Variants in LRP2BP observed in about 807,000 individuals in gnomAD.
LRP2BP encodes LRP2 binding protein.
In LRP2BP, 38 loss-of-function variants were observed where a neutral mutation model predicts 45.2. That is an observed-to-expected ratio of 0.84 (90% CI 0.65 to 1.10). LRP2BP has a LOEUF of 1.10. Among genes scored for constraint, LRP2BP ranks in the 50% least tolerant of loss-of-function variants. The pLI is 0.00. For missense variants in LRP2BP, 385 were observed against 418.9 expected (o/e 0.92, Z 0.71); for synonymous variants, 153 against 153.9 (o/e 0.99, Z 0.04).
rs1489115764 is a variant in LRP2BP, at chr4:185,364,936, C to T, written c.*2244G>A. The T allele has an allele frequency of 6.6e-6, 1 of 152,050 alleles. No homozygotes were observed. The highest frequency in any genetic ancestry group is 1.5e-5 in the Non-Finnish European group (1 of 68,034). The allele number at this position is 152,050 out of a possible 1,614,324, so 9.4% of individuals were successfully genotyped here. A position where few individuals can be genotyped will look rare whatever the true frequency, so the allele number is the denominator to read the frequency against. The stretch of plus-strand genomic sequence containing the variant: ...GAGAAAGATCACTATTATTTTGTCT[C>T]TATATTTATTTATGATAAAATGTCA... On this transcript the variant is annotated 3_prime_UTR_variant, in exon 9 of 9. Coordinates refer to ENST00000505916, the MANE Select transcript of LRP2BP (RefSeq NM_001377440.1).
chr4:185,378,205 A>G lies in LRP2BP; in HGVS notation c.-19T>C, dbSNP rs1420165821. The G allele has an allele frequency of 6.2e-7, 1 of 1,611,420 alleles. No individual in the cohort carries two copies. Among genetic ancestry groups the G allele is most frequent in the Admixed American group, 1.7e-5 (1 of 59,270 alleles). ...ACTTCATCCTTTTTCTGCAATGTGTATTCTATAAGCAAGAAGAAAAAATAA... is the reference window on the plus strand; with the variant it reads ...ACTTCATCCTTTTTCTGCAATGTGTGTTCTATAAGCAAGAAGAAAAAATAA... On this transcript the variant is annotated splice_region_variant and 5_prime_UTR_variant, in exon 2 of 9. Transcript: ENST00000505916.
chr4:185,389,413 T>C lies in LRP2BP; in HGVS notation c.-22+5366A>G, dbSNP rs1580012895. 2.0e-5 allele frequency among the ~76,000 whole-genome samples: 3 copies of C among 151,894 alleles called. No homozygotes were observed. The South Asian group carries it at 6.2e-4, about 32-fold the overall frequency. On this transcript the variant is annotated intron_variant, in intron 1 of 8. Transcript: ENST00000505916. ...TTTTAATAGAGACGGGGTTTCACTA[T>C]GTTGGCCAGACTCGTCTTGAACTCC... is the stretch of plus-strand genomic sequence containing the variant.
At chr4:185,394,052 C>T (rs997087083) in intron 1 of LRP2BP, among the ~76,000 whole-genome samples, 2 of 152,014 alleles carry the variant, frequency 1.3e-5, no homozygotes, top group African/African-American at 4.8e-5. Context: ...GGAGGTCAGG[C>T]GTTTGAGACC....
upstream of LRP2BP, chr4:185,396,769 TG>T: frequency 1.3e-6 from 1 of 775,612 alleles, no homozygotes; most frequent in East Asian, 2.4e-5. Context: ...TAACCGGAGC[TG>T]GGGCGCGGCT....
rs2095499716 is a variant in LRP2BP at position 185,395,552 on chromosome 4, A to G, written c.-795T>C. 1.0e-6 allele frequency: 1 copy of G among 982,458 alleles called. No homozygotes were observed. The allele number at this position is 982,458 out of a possible 1,614,324, so 60.9% of individuals were successfully genotyped here. On this transcript the variant is annotated 5_prime_UTR_variant, in exon 1 of 9. Transcript: ENST00000505916. ...TAAACATCATTAAAAGATATTGTGAATAGTTTAAATATTAAAAATGTGGAA... is the reference window on the plus strand; with the variant it reads ...TAAACATCATTAAAAGATATTGTGAGTAGTTTAAATATTAAAAATGTGGAA...
rs1385228738 is a variant in LRP2BP at position 185,365,789 on chromosome 4, A to G, written c.*1391T>C. The G allele has an allele frequency of 1.3e-5, 2 of 152,092 alleles. No individual in the cohort carries two copies. The highest frequency in any genetic ancestry group is 2.9e-5 in the Non-Finnish European group (2 of 68,012). 9.4% of individuals were successfully genotyped at this position (152,092 alleles called of 1,614,324 possible). A position where few individuals can be genotyped will look rare whatever the true frequency, so the allele number is the denominator to read the frequency against. On this transcript the variant is annotated 3_prime_UTR_variant, in exon 9 of 9. Transcript: ENST00000505916. ...TTTGGATCTTCAAGTGGTTGAAGGA[A>G]TGTTACATGGGTGGTATTAAGAGAT...
At chr4:185,396,330 G>A (rs1477819207), upstream of LRP2BP, 1 of 152,474 alleles carries the variant, frequency 6.6e-6, no homozygotes, top group Non-Finnish European at 1.5e-5. Flanking sequence ...GGCTTCTGAA[G>A]GCGGCGTCGA....
At chr4:185,381,517 T>A (rs1400486602) in intron 1 of LRP2BP, among the ~76,000 whole-genome samples, 4 of 152,354 alleles carry the variant, frequency 2.6e-5, no homozygotes, top group Admixed American at 2.6e-4. Flanking sequence ...AATCCCTTTT[T>A]AAATTAATTG....
chr4:185,375,146 C>T (rs1426409120), intron 4 of LRP2BP, among the ~76,000 whole-genome samples: 2 of 150,584 alleles, frequency 1.3e-5, no homozygotes, highest in Non-Finnish European at 1.5e-5. Context: ...CAGAGTCTTG[C>T]TCTGTCACCC....
Position 185,395,830 on chromosome 4 carries a change from G to C in LRP2BP, c.-1073C>G. 2 of 985,420 alleles carry C rather than the reference G, an allele frequency of 2.0e-6. No individual in the cohort carries two copies. The highest frequency in any genetic ancestry group is 3.5e-5 in the African/African-American group (2 of 57,360). The allele number at this position is 985,420 out of a possible 1,614,324, so 61.0% of individuals were successfully genotyped here. A position where few individuals can be genotyped will look rare whatever the true frequency, so the allele number is the denominator to read the frequency against. On this transcript the variant is annotated 5_prime_UTR_variant, in exon 1 of 9. Coordinates refer to ENST00000505916, the MANE Select transcript of LRP2BP (RefSeq NM_001377440.1). ...CTCCGAGCTTTCAAAGGCATCAACA[G>C]AAGGGAATCACTAAAAATGTAGGGG...
chr4:185,396,373 T>C, upstream of LRP2BP: 1 of 152,800 alleles, frequency 6.5e-6, no homozygotes, highest in Non-Finnish European at 1.5e-5. Context: ...AGTTTCCTGG[T>C]TACGTGCGCG....
Position 185,395,488 on chromosome 4 carries a change from T to C in LRP2BP, c.-731A>G. ...CTGGCAATATCAACGTGTGCTCACC[T>C]CACAAATCTGACAACAGTATCTCTA... On this transcript the variant is annotated 5_prime_UTR_variant, in exon 1 of 9. Transcript: ENST00000505916. 1 of 985,276 alleles carries C rather than the reference T, an allele frequency of 1.0e-6. No individual in the cohort carries two copies. The highest frequency in any genetic ancestry group is 1.2e-6 in the Non-Finnish European group (1 of 829,790). 61.0% of individuals were successfully genotyped at this position (985,276 alleles called of 1,614,324 possible).
At chr4:185,397,043 C>T, upstream of LRP2BP, 1 of 1,608,956 alleles carries the variant, frequency 6.2e-7, no homozygotes, top group Non-Finnish European at 8.5e-7. Context: ...GACCACTGGG[C>T]GCTGCCTGGT....
intron 8 of LRP2BP, among the ~76,000 whole-genome samples, chr4:185,369,590 T>C (rs530617426): frequency 3.9e-4 from 59 of 152,316 alleles, no homozygotes; most frequent in African/African-American, 1.4e-3. Context: ...CTGTTATTCA[T>C]GCTAAGAATG....
At chr4:185,384,892 C>T (rs2095466036) in intron 1 of LRP2BP, among the ~76,000 whole-genome samples, 1 of 147,032 alleles carries the variant, frequency 6.8e-6, no homozygotes, top group Non-Finnish European at 1.5e-5. Flanking sequence ...CTGCATCCCC[C>T]TCCCCGCCCC....
Position 185,395,371 on chromosome 4 carries a change from G to A in LRP2BP, c.-614C>T. 1.0e-6 allele frequency: 1 copy of A among 985,358 alleles called. No homozygotes were observed. The highest frequency in any genetic ancestry group is 1.2e-6 in the Non-Finnish European group (1 of 829,914). 61.0% of individuals were successfully genotyped at this position (985,358 alleles called of 1,614,324 possible). ...CGTGTCTGATACCCTTTATTAGTTA[G>A]GAATTCCTGAAAATGAACTTCTGTG... On this transcript the variant is annotated 5_prime_UTR_variant, in exon 1 of 9. Coordinates refer to ENST00000505916, the MANE Select transcript of LRP2BP (RefSeq NM_001377440.1).
At position 185,392,897 on chromosome 4, in the gene LRP2BP, A is replaced by G. The variant is rs529574855; in HGVS notation, c.-22+1882T>C. Among the ~76,000 whole-genome samples, 8 of 152,328 alleles carry G rather than the reference A, an allele frequency of 5.3e-5. No individual in the cohort carries two copies. In the South Asian group the frequency reaches 1.7e-3, roughly 32 times the overall value. ...GTTATGATATTCTCAAGGGATTTAA[A>G]AAATACATGTGAAACCAGGCCAGCT... On this transcript the variant is annotated intron_variant, in intron 1 of 8. Transcript: ENST00000505916.
chr4:185,397,252 G>A (rs143305674), upstream of LRP2BP: 267 of 1,614,124 alleles, frequency 1.7e-4, no homozygotes, highest in Middle Eastern at 2.0e-3. Flanking sequence ...AAGCGGCCTT[G>A]CTTGCTTTCT....
At chr4:185,376,869 G>C in intron 3 of LRP2BP, 40 bp downstream of exon 3, 1 of 1,440,724 alleles carries the variant, frequency 6.9e-7, no homozygotes, top group Non-Finnish European at 9.7e-7. Context: ...TCTAACAACA[G>C]AATTACAGGA....
Sources: allele counts gnomAD v4.1 joint callset (sites outside exome capture counted in the v4.1 genomes callset), GRCh38; gene constraint gnomAD v4.1.1; transcripts MANE v1.5; gene names NCBI Gene and HGNC (gene_info 2026-07-23, HGNC 2026-07-21).